IKBKB: variants seen among roughly 807,000 people sequenced by gnomAD.
IKBKB encodes inhibitor of nuclear factor kappa-B kinase subunit beta.
IKBKB carries 42 observed loss-of-function variants against 113.6 expected under a neutral mutation model. The observed-to-expected ratio is 0.37, with a 90% CI of 0.29 to 0.48. The LOEUF (loss-of-function observed/expected upper bound fraction) is 0.48. Among genes scored for constraint, IKBKB ranks in the 20% least tolerant of loss-of-function variants. IKBKB has a pLI of 0.99. For synonymous variants in IKBKB, 296 were observed against 361.3 expected, an observed-to-expected ratio of 0.82 and a Z score of 2.05; for missense variants, 673 against 939.7, an observed-to-expected ratio of 0.72 and a Z score of 3.71.
rs768143363 is a variant in IKBKB, at chr8:42,319,644, C to T, written c.1576C>T (p.Arg526Trp). 4.4e-6 allele frequency: 7 copies of T among 1,586,518 alleles called. No individual in the cohort carries two copies. Among genetic ancestry groups the T allele is most frequent in the Non-Finnish European group, 3.4e-6 (4 of 1,171,058 alleles). ...GGAGCAGGCTGTGGAGCTCTGTGGGCGGGTAGGAGACTCATTTTGGGTTTC... is the reference window on the plus strand; with the variant it reads ...GGAGCAGGCTGTGGAGCTCTGTGGGTGGGTAGGAGACTCATTTTGGGTTTC... ...EMEQAVELCG[R>W]ENEVKLLVER... The change falls in exon 15 of 22, where the codon CGG (arginine) becomes TGG (tryptophan). Residue 526 changes from arginine (R) to tryptophan (W), a missense_variant and splice_region_variant. Arg to Trp is a moderately radical substitution (Grantham distance 101). This residue lies in a region of IKBKB where 506 missense variants were observed against 638.7 expected (regional missense o/e 0.79). Coordinates refer to ENST00000520810, the MANE Select transcript of IKBKB (RefSeq NM_001556.3).
intron 18 of IKBKB, 93 bp downstream of exon 18, chr8:42,322,246 A>G (rs1819914899): frequency 1.3e-6 from 2 of 1,568,992 alleles, no homozygotes; most frequent in Non-Finnish European, 1.8e-6. Flanking sequence ...GCTGGACCTC[A>G]TGAAGAGAGT....
chr8:42,296,237 C>T (rs796367917), intron 5 of IKBKB, among the ~76,000 whole-genome samples: 15 of 152,368 alleles, frequency 9.8e-5, no homozygotes, highest in African/African-American at 3.6e-4. Context: ...TGGCTCACGC[C>T]TGTAATCCCA....
intron 2 of IKBKB, among the ~76,000 whole-genome samples, chr8:42,274,454 TC>T (rs1309847993): frequency 6.6e-6 from 1 of 151,308 alleles, no homozygotes; most frequent in African/African-American, 2.4e-5. Flanking sequence ...CCTCCACAAC[TC>T]CCCCCACCCC....
chr8:42,307,122 A>G (rs940989244), intron 7 of IKBKB, among the ~76,000 whole-genome samples: 5 of 152,164 alleles, frequency 3.3e-5, no homozygotes, highest in African/African-American at 4.8e-5. Context: ...GCAAGAGTGC[A>G]GGGTGTTGCA....
At chr8:42,303,060 GGAGAGAGAGAGAGAGA>G (rs34921450) in intron 5 of IKBKB, among the ~76,000 whole-genome samples, 1 of 114,194 alleles carries the variant, frequency 8.8e-6, no homozygotes, top group Non-Finnish European at 1.8e-5. Flanking sequence ...TTGCCGAGAG[GGAGAGAGAGAGAGAGA>G]GAGAGAGAGA....
chr8:42,330,332 C>A, intron 21 of IKBKB: 1 of 980,990 alleles, frequency 1.0e-6, no homozygotes, highest in South Asian at 4.7e-5. Flanking sequence ...AAGGGTTTGG[C>A]TTTTTAATTT....
chr8:42,313,434 GA>G (rs916286399), intron 8 of IKBKB, among the ~76,000 whole-genome samples: 16 of 150,972 alleles, frequency 1.1e-4, no homozygotes, highest in Admixed American at 4.0e-4. Flanking sequence ...CTGGGCGACA[GA>G]AAAAAAAAAT....
intron 7 of IKBKB, among the ~76,000 whole-genome samples, chr8:42,308,629 A>C (rs1817040736): frequency 6.6e-6 from 1 of 152,152 alleles, no homozygotes; most frequent in Non-Finnish European, 1.5e-5. Flanking sequence ...AGAGAAGTTA[A>C]AGCCTAGCGA....
chr8:42,319,498 A>G (rs750201122), intron 14 of IKBKB, 77 bp downstream of exon 14: 12 of 1,592,674 alleles, frequency 7.5e-6, no homozygotes, highest in Admixed American at 1.7e-5. Flanking sequence ...CTTTTGTCCT[A>G]TTATAATTGA....
chr8:42,272,960 A>C lies in IKBKB; in HGVS notation c.105+755A>C, dbSNP rs1187148105. On this transcript the variant is annotated intron_variant, in intron 2 of 21. Coordinates refer to ENST00000520810, the MANE Select transcript of IKBKB (RefSeq NM_001556.3). ...GTCTCAAAAAAAAAAAAAAAAAAAA[A>C]ACCTTAGGCAGCCTTGGTGCGTACC... Among the ~76,000 whole-genome samples, 50 of 151,186 alleles carry C rather than the reference A, an allele frequency of 3.3e-4. 3 individuals carry two copies. The highest frequency in any genetic ancestry group is 3.3e-3 in the Admixed American group (50 of 15,188).
At chr8:42,290,550 AG>A (rs1336911145) in intron 4 of IKBKB, among the ~76,000 whole-genome samples, 1 of 152,160 alleles carries the variant, frequency 6.6e-6, no homozygotes, top group Non-Finnish European at 1.5e-5. Context: ...AACTCATCAC[AG>A]GTCTGGGCGT....
intron 2 of IKBKB, among the ~76,000 whole-genome samples, chr8:42,282,147 C>T (rs564201490): frequency 3.9e-5 from 6 of 152,230 alleles, no homozygotes; most frequent in Middle Eastern, 3.4e-3. Flanking sequence ...ACCCTTTCTC[C>T]GTTTTCTCAA....
chr8:42,325,572 G>A lies in IKBKB; in HGVS notation c.1987-398G>A, dbSNP rs537548335. The stretch of plus-strand genomic sequence containing the variant: ...CACACACCTGTAATCCCAGCTACTT[G>A]GGAAGCTGAGGCAGGAGAATCGCTT... On this transcript the variant is annotated intron_variant, in intron 19 of 21. Coordinates refer to ENST00000520810, the MANE Select transcript of IKBKB (RefSeq NM_001556.3). 1.4e-5 allele frequency: 10 copies of A among 707,380 alleles called. No individual in the cohort carries two copies. In the South Asian group the frequency reaches 4.6e-4, roughly 32 times the overall value. The allele number at this position is 707,380 out of a possible 1,614,324, so 43.8% of individuals were successfully genotyped here. A position where few individuals can be genotyped will look rare whatever the true frequency, so the allele number is the denominator to read the frequency against.
chr8:42,295,697 G>A (rs1585635386), intron 5 of IKBKB, among the ~76,000 whole-genome samples: 2 of 151,502 alleles, frequency 1.3e-5, no homozygotes, highest in Admixed American at 1.3e-4. Context: ...TTGCACTCCC[G>A]CCTGGTGACA....
chr8:42,329,696 T>C lies in IKBKB; in HGVS notation c.2205+482T>C, dbSNP rs532069156. ...CTGCACCATTGGTACTACTGCTGAG[T>C]ATTTGTGTGTTGAGTGCTGGGCTGG... is the stretch of plus-strand genomic sequence containing the variant. On this transcript the variant is annotated intron_variant, in intron 21 of 21. Transcript: ENST00000520810. The C allele has an allele frequency of 4.5e-4, 442 of 985,124 alleles. 1 individual carries two copies. The highest frequency in any genetic ancestry group is 5.2e-4 in the Non-Finnish European group (433 of 829,878). The allele number at this position is 985,124 out of a possible 1,614,324, so 61.0% of individuals were successfully genotyped here. A position where few individuals can be genotyped will look rare whatever the true frequency, so the allele number is the denominator to read the frequency against.
Position 42,319,608 on chromosome 8 carries a change from T to C in IKBKB, c.1540T>C (p.Trp514Arg). The change falls in exon 15 of 22, where the codon TGG (tryptophan) becomes CGG (arginine). Residue 514 changes from tryptophan (W) to arginine (R), a missense_variant. Transcript: ENST00000520810. ...GITSDKLLLA[W>R]REMEQAVELC... Reference sequence around the variant, plus strand: ...AGCATCAGATAAACTGCTGCTGGCCTGGAGGGAAATGGAGCAGGCTGTGGA... The same window carrying C: ...AGCATCAGATAAACTGCTGCTGGCCCGGAGGGAAATGGAGCAGGCTGTGGA... The C allele has an allele frequency of 1.3e-6, 2 of 1,594,560 alleles. No individual in the cohort carries two copies. Among genetic ancestry groups the C allele is most frequent in the Non-Finnish European group, 1.7e-6 (2 of 1,173,818 alleles).
chr8:42,295,497 C>T (rs1294188637), intron 5 of IKBKB, among the ~76,000 whole-genome samples: 12 of 152,142 alleles, frequency 7.9e-5, no homozygotes, highest in African/African-American at 2.7e-4. Context: ...GGGGCTGATG[C>T]GGGTGGATCA....
At chr8:42,285,923 A>G (rs1811331225) in intron 2 of IKBKB, among the ~76,000 whole-genome samples, 1 of 152,206 alleles carries the variant, frequency 6.6e-6, no homozygotes, top group African/African-American at 2.4e-5. Context: ...CTCGGGGAGT[A>G]GGGAGTGGCT....
At chr8:42,307,413 A>C (rs1816755760) in intron 7 of IKBKB, among the ~76,000 whole-genome samples, 1 of 152,206 alleles carries the variant, frequency 6.6e-6, no homozygotes, top group Non-Finnish European at 1.5e-5. Flanking sequence ...AAGTGGGAGA[A>C]GGAGCAACTC....
Sources: gnomAD v4.1 joint callset for allele counts (sites outside exome capture counted in the v4.1 genomes callset) on GRCh38, gnomAD v4.1.1 for gene constraint, gnomAD v4.1.1 regional missense constraint, MANE v1.5 for transcripts, NCBI Gene and HGNC (gene_info 2026-07-23, HGNC 2026-07-21) for gene names.